CTSO: variants seen among roughly 807,000 people sequenced by gnomAD.
The protein encoded by CTSO is cathepsin O.
In CTSO, 40 loss-of-function variants were observed where a neutral mutation model predicts 42.4. The ratio of observed to expected loss-of-function variants is 0.94; its 90% CI spans 0.73 to 1.23. The LOEUF (loss-of-function observed/expected upper bound fraction) is 1.23. Among genes scored for constraint, CTSO ranks in the 50% most tolerant of loss-of-function variants. CTSO has a pLI of 0.00. For missense variants in CTSO, 441 were observed against 396.0 expected (o/e 1.11, Z -0.96); for synonymous variants, 156 against 146.2 (o/e 1.07, Z -0.48).
At chr4:155,945,944 CAT>C (rs1340870773) in intron 1 of CTSO, among the ~76,000 whole-genome samples, 1 of 152,106 alleles carries the variant, frequency 6.6e-6, no homozygotes, top group Non-Finnish European at 1.5e-5. Flanking sequence ...CACACACACA[CAT>C]ACGCACGCAC....
At chr4:155,930,276 T>C (rs557896158) in intron 5 of CTSO, among the ~76,000 whole-genome samples, 2 of 152,322 alleles carry the variant, frequency 1.3e-5, no homozygotes, top group Admixed American at 6.5e-5. Context: ...GACTAACTCA[T>C]GTTAGTCATT....
At chr4:155,945,697 TA>T (rs2110931722) in intron 1 of CTSO, among the ~76,000 whole-genome samples, 1 of 152,260 alleles carries the variant, frequency 6.6e-6, no homozygotes, top group African/African-American at 2.4e-5. Context: ...TGTATCTAAA[TA>T]AAATAGAACT....
intron 4 of CTSO, among the ~76,000 whole-genome samples, chr4:155,937,855 A>G (rs952312058): frequency 1.3e-5 from 2 of 152,150 alleles, no homozygotes; most frequent in Non-Finnish European, 2.9e-5. Flanking sequence ...GACTCAAGAA[A>G]TCCACCTGCC....
intron 1 of CTSO, 56 bp from the exon 2 acceptor site, chr4:155,943,320 C>A: frequency 9.9e-7 from 1 of 1,009,842 alleles, no homozygotes; most frequent in Non-Finnish European, 1.5e-6. Flanking sequence ...CCAAAGTAAA[C>A]TGTGTATAAC....
intron 4 of CTSO, among the ~76,000 whole-genome samples, chr4:155,938,852 G>T (rs933493562): frequency 1.8e-4 from 28 of 152,116 alleles, no homozygotes; most frequent in Non-Finnish European, 3.5e-4. Context: ...AGCTACTCCG[G>T]AGGCTGAAGC....
At chr4:155,930,350 G>A (rs1053456023) in intron 5 of CTSO, among the ~76,000 whole-genome samples, 1 of 152,148 alleles carries the variant, frequency 6.6e-6, no homozygotes, top group Non-Finnish European at 1.5e-5. Flanking sequence ...TACAATAGAA[G>A]CAATGTTAAG....
At position 155,953,722 on chromosome 4, in the gene CTSO, G is replaced by A. The variant is rs1462130249; in HGVS notation, c.126C>T (p.Ala42=). 1.6e-6 allele frequency: 2 copies of A among 1,270,960 alleles called. No homozygotes were observed. Among genetic ancestry groups the A allele is most frequent in the Admixed American group, 8.3e-5 (2 of 24,006 alleles). The allele number at this position is 1,270,960 out of a possible 1,614,324, so 78.7% of individuals were successfully genotyped here. The change falls in exon 1 of 8, where the codon GCC becomes GCT. Residue 42 remains alanine (A), a synonymous_variant. Coordinates refer to ENST00000433477, the MANE Select transcript of CTSO (RefSeq NM_001334.3). ...GGCGCGCGCTCGGTACCCGGAAGGC[G>A]GCGGCTTCACGCTCGCGGCTCCGCG... ...TWPRSREREA[A]AFRESLNRHR... is the part of the protein sequence containing the mutation.
At position 155,927,712 on chromosome 4, in the gene CTSO, T is replaced by G. The variant is rs376540695; in HGVS notation, c.931+624A>C. 1.2e-4 allele frequency among the ~76,000 whole-genome samples: 19 copies of G among 152,054 alleles called. No individual in the cohort carries two copies. The East Asian group carries it at 3.7e-3, about 29-fold the overall frequency. ...AGAGTGTGAACCCGGGAGGCGGAGC[T>G]TGCAGTGAGCCGAGATCATGCCACT... On this transcript the variant is annotated intron_variant, in intron 7 of 7. Coordinates refer to ENST00000433477, the MANE Select transcript of CTSO (RefSeq NM_001334.3).
intron 6 of CTSO, 126 bp from the exon 7 acceptor site, chr4:155,928,554 A>G: frequency 1.6e-6 from 1 of 640,216 alleles, no homozygotes; most frequent in South Asian, 2.4e-5. Context: ...TAAAAATGTA[A>G]TTTAATGGTA....
rs952046584 is a variant in CTSO at position 155,924,738 on chromosome 4, T to C, written c.*1298A>G. Reference sequence around the variant, plus strand: ...AGGTTCTTACACTGCTAACAAGAAATGGCTTTTTTCCTGTTGCAGGTCATG... The same window carrying C: ...AGGTTCTTACACTGCTAACAAGAAACGGCTTTTTTCCTGTTGCAGGTCATG... On this transcript the variant is annotated 3_prime_UTR_variant, in exon 8 of 8. Transcript: ENST00000433477. 9 of 152,236 alleles carry C rather than the reference T, an allele frequency of 5.9e-5. No homozygotes were observed. Among genetic ancestry groups the C allele is most frequent in the African/African-American group, 2.2e-4 (9 of 41,460 alleles). The allele number at this position is 152,236 out of a possible 1,614,324, so 9.4% of individuals were successfully genotyped here.
chr4:155,934,605 C>T lies in CTSO; in HGVS notation c.674+2757G>A, dbSNP rs548032116. Among the ~76,000 whole-genome samples the T allele has an allele frequency of 7.2e-5, 11 of 152,292 alleles. No individual in the cohort carries two copies. The South Asian group carries it at 2.1e-3, about 29-fold the overall frequency. ...CAGAGGTGCTCAAGACCATTAGAAC[C>T]CACATCTTGCATCAGCATGACTTGG... On this transcript the variant is annotated intron_variant, in intron 5 of 7. Transcript: ENST00000433477.
chr4:155,927,411 T>C (rs1434706854), intron 7 of CTSO, among the ~76,000 whole-genome samples: 3 of 152,230 alleles, frequency 2.0e-5, no homozygotes, highest in Non-Finnish European at 2.9e-5. Context: ...GGTTTGAATA[T>C]AGTTTTATAA....
chr4:155,950,161 A>G (rs1743621642), intron 1 of CTSO, among the ~76,000 whole-genome samples: 1 of 152,250 alleles, frequency 6.6e-6, no homozygotes, highest in South Asian at 2.1e-4. Flanking sequence ...GCATGTACAC[A>G]AAAAGATTGA....
chr4:155,936,046 T>C (rs1383302661), intron 5 of CTSO, among the ~76,000 whole-genome samples: 1 of 152,190 alleles, frequency 6.6e-6, no homozygotes, highest in African/African-American at 2.4e-5. Context: ...TTTAATGATA[T>C]TTTGTAAATC....
intron 1 of CTSO, among the ~76,000 whole-genome samples, chr4:155,947,475 A>C (rs566947111): frequency 6.6e-6 from 1 of 152,332 alleles, no homozygotes; most frequent in African/African-American, 2.4e-5. Flanking sequence ...AGAAATGAGG[A>C]TCAATATTAT....
Position 155,942,374 on chromosome 4 carries a change from C to T in CTSO, c.327G>A (p.Pro109=), listed in dbSNP as rs145993442. 95 of 1,601,858 alleles carry T rather than the reference C, an allele frequency of 5.9e-5. No homozygotes were observed. Among genetic ancestry groups the T allele is most frequent in the East Asian group, 3.0e-4 (13 of 43,308 alleles). Residue 109 remains proline, a synonymous_variant, in exon 3 of 8, where the codon CCG becomes CCA. Coordinates refer to ENST00000433477, the MANE Select transcript of CTSO (RefSeq NM_001334.3). ...GCTTGTCCCTCCAGTCAAATCTTAACGGCAAAGACACATTGGGGATGGACA... is the reference window on the plus strand; with the variant it reads ...GCTTGTCCCTCCAGTCAAATCTTAATGGCAAAGACACATTGGGGATGGACA... ...VHMSIPNVSL[P]LRFDWRDKQV... is the part of the protein sequence containing the mutation.
intron 4 of CTSO, among the ~76,000 whole-genome samples, chr4:155,938,068 G>A (rs960539835): frequency 2.0e-5 from 3 of 151,948 alleles, no homozygotes; most frequent in Non-Finnish European, 4.4e-5. Context: ...TAACAGTCTT[G>A]TCATCTTTCT....
In CTSO at chr4:155,929,532, C is replaced by T. The variant is rs1216972862; in HGVS notation, c.838+10G>A. 1 of 1,608,214 alleles carries T rather than the reference C, an allele frequency of 6.2e-7. No homozygotes were observed. The highest frequency in any genetic ancestry group is 8.5e-7 in the Non-Finnish European group (1 of 1,177,336). ...TGGAAAGCAGTCAACTGAGTCTTAT[C>T]AGCACTTACCTGTTTTATCAAACCC... On this transcript the variant is annotated intron_variant, in intron 6 of 7. Coordinates refer to ENST00000433477, the MANE Select transcript of CTSO (RefSeq NM_001334.3).
rs370325371 is a variant in CTSO at position 155,928,303 on chromosome 4, T to C, written c.931+33A>G. 4 of 1,442,432 alleles carry C rather than the reference T, an allele frequency of 2.8e-6. No individual in the cohort carries two copies. In the African/African-American group the frequency reaches 4.2e-5, roughly 15 times the overall value. 89.4% of individuals were successfully genotyped at this position (1,442,432 alleles called of 1,614,324 possible). On this transcript the variant is annotated intron_variant, in intron 7 of 7. Transcript: ENST00000433477. ...ATTCAAATAATCTCCTTAATATTTATATTGAGGTTTTAAACACAAACTCAT... is the reference window on the plus strand; with the variant it reads ...ATTCAAATAATCTCCTTAATATTTACATTGAGGTTTTAAACACAAACTCAT...
Sources: gnomAD v4.1 joint callset for allele counts (sites outside exome capture counted in the v4.1 genomes callset) on GRCh38, gnomAD v4.1.1 for gene constraint, MANE v1.5 for transcripts, NCBI Gene and HGNC (gene_info 2026-07-23, HGNC 2026-07-21) for gene names.